Variants in SCAF1 observed in about 807,000 individuals in gnomAD.
The protein encoded by SCAF1 is splicing factor, arginine/serine-rich 19.
SCAF1 carries 28 observed loss-of-function variants against 91.2 expected under a neutral mutation model. The ratio of observed to expected loss-of-function variants is 0.31; its 90% CI spans 0.23 to 0.42. The LOEUF is 0.42. SCAF1 is among the 10% of genes least tolerant of loss of function. The probability of loss-of-function intolerance (pLI) is 1.00; values close to 1 mark genes in which losing one functional copy is unlikely to be tolerated. For missense variants in SCAF1, 1,893 were observed against 1,872.1 expected (o/e 1.01, Z -0.21); for synonymous variants, 1,036 against 833.7 (o/e 1.24, Z -4.18).
chr19:49,642,885 T>G lies in SCAF1; in HGVS notation c.-7+643T>G, dbSNP rs991658344. The stretch of plus-strand genomic sequence containing the variant: ...GGGAAGGGCGCCAAATATTGAGATG[T>G]ACTGAGGGTCTGGGGTCTCCAAGGT... On this transcript the variant is annotated intron_variant, in intron 1 of 10. Transcript: ENST00000360565. This position sits in a 1 kb window ranked among gnomAD's most constrained non-coding sequence, Gnocchi z 4.0. 6.6e-6 allele frequency among the ~76,000 whole-genome samples: 1 copy of G among 152,296 alleles called. No individual in the cohort carries two copies. The highest frequency in any genetic ancestry group is 2.1e-4 in the South Asian group (1 of 4,830).
chr19:49,646,485 T>C lies in SCAF1; in HGVS notation c.262-41T>C. 1.3e-6 allele frequency: 2 copies of C among 1,565,740 alleles called. No individual in the cohort carries two copies. Among genetic ancestry groups the C allele is most frequent in the Non-Finnish European group, 1.8e-6 (2 of 1,136,714 alleles). Reference sequence around the variant, plus strand: ...GGGAAGCAGGATTTGCCAGTCTTCATGTGACCAGGGACGGCGTAGAGCCTC... The same window carrying C: ...GGGAAGCAGGATTTGCCAGTCTTCACGTGACCAGGGACGGCGTAGAGCCTC... On this transcript the variant is annotated intron_variant, in intron 4 of 10. Transcript: ENST00000360565. The surrounding 1 kb of genome is among the most constrained non-coding windows in gnomAD (Gnocchi z 5.6).
chr19:49,656,190 TTGCTCTGCCCTGGTCTG>T (rs996070095), intron 9 of SCAF1, among the ~76,000 whole-genome samples: 3 of 152,216 alleles, frequency 2.0e-5, no homozygotes, highest in Non-Finnish European at 2.9e-5. Context: ...ACAGTGGCCC[TTGCTCTGCCCTGGTCTG>T]TGCTCTGCCC....
Position 49,645,224 on chromosome 19 carries a change from C to T in SCAF1, c.108+90C>T, listed in dbSNP as rs1355059241. 2 of 1,498,658 alleles carry T rather than the reference C, an allele frequency of 1.3e-6. No individual in the cohort carries two copies. Among genetic ancestry groups the T allele is most frequent in the Non-Finnish European group, 1.9e-6 (2 of 1,079,130 alleles). 92.8% of individuals were successfully genotyped at this position (1,498,658 alleles called of 1,614,324 possible). On this transcript the variant is annotated intron_variant, in intron 2 of 10. Transcript: ENST00000360565. This position sits in a 1 kb window ranked among gnomAD's most constrained non-coding sequence, Gnocchi z 4.6. ...GACTCCAGGGCCTGAGGCAGGGGCG[C>T]TGGACTCTTGGCTCCCTTGAAGCAC...
chr19:49,641,880 G>A (rs548208730), upstream of SCAF1, among the ~76,000 whole-genome samples: 9 of 152,320 alleles, frequency 5.9e-5, no homozygotes, highest in South Asian at 2.1e-4. Flanking sequence ...CGCCTCTTAC[G>A]TCACCTCCTG....
rs2081097934 is a variant in SCAF1 at position 49,652,107 on chromosome 19, GC to G, written c.1719del (p.Ser574ProfsTer164). On this transcript the variant is annotated frameshift_variant, in exon 7 of 11. Transcript: ENST00000360565. LOFTEE classifies it high-confidence loss of function. ...CACGCCTCGTCGTCCGCCCGCCGCC[GC>G]TCCCGCTCCCGCTCCCGCTCCCGCT... ...GSHASSSARR[R>X]SRSRSRSRST... 1.2e-5 allele frequency: 5 copies of G among 425,090 alleles called. No homozygotes were observed. The highest frequency in any genetic ancestry group is 2.0e-4 in the Admixed American group (1 of 5,112). 26.3% of individuals were successfully genotyped at this position (425,090 alleles called of 1,614,324 possible).
At chr19:49,640,919 G>C (rs2081022943), upstream of SCAF1, among the ~76,000 whole-genome samples, 1 of 152,186 alleles carries the variant, frequency 6.6e-6, no homozygotes, top group South Asian at 2.1e-4. Flanking sequence ...TGGGTCCTTA[G>C]GAGAAAATGG....
Position 49,657,802 on chromosome 19 carries a change from G to A in SCAF1, c.3660G>A (p.Glu1220=), listed in dbSNP as rs761421450. 6 of 1,607,786 alleles carry A rather than the reference G, an allele frequency of 3.7e-6. No individual in the cohort carries two copies. The highest frequency in any genetic ancestry group is 5.1e-6 in the Non-Finnish European group (6 of 1,177,064). ...ACACGCAGGAGCGGGCGGTGGAGGAGGTGAAGCTGGCCATCAAGCCATACT... is the reference window on the plus strand; with the variant it reads ...ACACGCAGGAGCGGGCGGTGGAGGAAGTGAAGCTGGCCATCAAGCCATACT... ...KLHTQERAVE[E]VKLAIKPYYQ... The change falls in exon 10 of 11, where the codon GAG becomes GAA. Residue 1220 remains glutamate (E), a synonymous_variant. Transcript: ENST00000360565.
At chr19:49,644,938 C>A in intron 1 of SCAF1, 83 bp from the exon 2 acceptor site, 2 of 895,496 alleles carry the variant, frequency 2.2e-6, no homozygotes, top group Non-Finnish European at 3.5e-6. Context: ...TAGTGTGGGG[C>A]CCTTGAGGTC....
Position 49,646,465 on chromosome 19 carries a change from G to A in SCAF1, c.262-61G>A, listed in dbSNP as rs1002372307. On this transcript the variant is annotated intron_variant, in intron 4 of 10. Coordinates refer to ENST00000360565, the MANE Select transcript of SCAF1 (RefSeq NM_021228.3). This position sits in a 1 kb window ranked among gnomAD's most constrained non-coding sequence, Gnocchi z 5.6. Reference sequence around the variant, plus strand: ...TCCTGAGAGGTTAGGGAGTGGGGAAGCAGGATTTGCCAGTCTTCATGTGAC... The same window carrying A: ...TCCTGAGAGGTTAGGGAGTGGGGAAACAGGATTTGCCAGTCTTCATGTGAC... 2 of 1,440,296 alleles carry A rather than the reference G, an allele frequency of 1.4e-6. No homozygotes were observed. Among genetic ancestry groups the A allele is most frequent in the African/African-American group, 2.8e-5 (2 of 71,386 alleles). 89.2% of individuals were successfully genotyped at this position (1,440,296 alleles called of 1,614,324 possible).
At chr19:49,642,109 C>A (rs748350588), upstream of SCAF1, 3 of 152,262 alleles carry the variant, frequency 2.0e-5, no homozygotes, top group Non-Finnish European at 4.4e-5. The surrounding 1 kb of genome is among the most constrained non-coding windows in gnomAD (Gnocchi z 4.0). Flanking sequence ...GCCTTCACGT[C>A]GCCGTGCTCG....
At position 49,652,162 on chromosome 19, in the gene SCAF1, C is replaced by T. The variant is rs1395377345; in HGVS notation, c.1773C>T (p.Asp591=). The T allele has an allele frequency of 2.7e-6, 3 of 1,116,008 alleles. No homozygotes were observed. The highest frequency in any genetic ancestry group is 3.3e-6 in the Non-Finnish European group (3 of 910,902). 69.1% of individuals were successfully genotyped at this position (1,116,008 alleles called of 1,614,324 possible). A position where few individuals can be genotyped will look rare whatever the true frequency, so the allele number is the denominator to read the frequency against. The change falls in exon 7 of 11, where the codon GAC becomes GAT. Residue 591 remains aspartate, a synonymous_variant. Coordinates refer to ENST00000360565, the MANE Select transcript of SCAF1 (RefSeq NM_021228.3). The stretch of plus-strand genomic sequence containing the variant: ...CCCGCCGCCGCTCGCGCAGCACCGA[C>T]CGCCGCCGCGGGGGCAGCCGCAGGT... ...RSTRRRSRST[D]RRRGGSRRSR...
rs555777243 is a variant in SCAF1, at chr19:49,652,465, C to T, written c.2076C>T (p.Asp692=). The T allele has an allele frequency of 1.2e-5, 19 of 1,600,404 alleles. No individual in the cohort carries two copies. The highest frequency in any genetic ancestry group is 3.4e-5 in the Admixed American group (2 of 58,702). The change falls in exon 7 of 11, where the codon GAC becomes GAT. Residue 692 remains aspartate (D), a synonymous_variant. Transcript: ENST00000360565. ...RRGAVPPSIQ[D]LTDHDLFAIK... is the part of the protein sequence containing the mutation. ...GGGCCGTGCCACCCTCCATCCAGGA[C>T]CTCACGGACCACGACCTCTTCGCCA...
At position 49,653,282 on chromosome 19, in the gene SCAF1, T is replaced by C; in HGVS notation, c.2893T>C (p.Ser965Pro). 1.4e-6 allele frequency: 2 copies of C among 1,470,456 alleles called. No individual in the cohort carries two copies. Among genetic ancestry groups the C allele is most frequent in the Non-Finnish European group, 9.0e-7 (1 of 1,108,914 alleles). 91.1% of individuals were successfully genotyped at this position (1,470,456 alleles called of 1,614,324 possible). ...GTKGAEETSW[S>P]GEERAAKVPS... ...CAAGGGGGCGGAGGAGACTTCCTGG[T>C]CCGGGGAGGAGCGGGCAGCCAAGGT... The change falls in exon 7 of 11, where the codon TCC becomes CCC. Residue 965 changes from serine to proline, a missense_variant. By Grantham distance (74) the Ser-to-Pro change is moderately conservative (BLOSUM62 -1). This residue lies in a region of SCAF1 where 1,436 missense variants were observed against 1,306.8 expected (regional missense o/e 1.10). Transcript: ENST00000360565.
rs370259405 is a variant in SCAF1 at position 49,651,340 on chromosome 19, C to A, written c.951C>A (p.Asp317Glu). The A allele has an allele frequency of 4.6e-4, 739 of 1,608,712 alleles. 1 individual carries two copies. The highest frequency in any genetic ancestry group is 6.0e-4 in the Non-Finnish European group (706 of 1,179,826). ...DNSLSQDFPG[D>E]ESPRPDAQPT... is the part of the protein sequence containing the mutation. ...GCCTGAGCCAGGACTTCCCAGGTGA[C>A]GAGAGCCCCCGCCCGGACGCGCAGC... The change falls in exon 7 of 11, where the codon GAC becomes GAA. Residue 317 changes from aspartate (D) to glutamate (E), a missense_variant. Asp to Glu is a conservative substitution (Grantham distance 45). Transcript: ENST00000360565.
chr19:49,652,087 CTCG>C lies in SCAF1; in HGVS notation c.1704_1706del (p.Ser569del), dbSNP rs757746670. On this transcript the variant is annotated inframe_deletion, in exon 7 of 11. Transcript: ENST00000360565. ...GGGACCGCAAGCCCGGCTCCCACGC[CTCG>C]TCGTCCGCCCGCCGCCGCTCCCGCT... 9.3e-6 allele frequency: 11 copies of C among 1,183,148 alleles called. No individual in the cohort carries two copies. The highest frequency in any genetic ancestry group is 8.6e-5 in the South Asian group (5 of 57,960). 73.3% of individuals were successfully genotyped at this position (1,183,148 alleles called of 1,614,324 possible).
At position 49,653,449 on chromosome 19, in the gene SCAF1, G is replaced by T; in HGVS notation, c.3060G>T (p.Gly1020=). The change falls in exon 7 of 11, where the codon GGG becomes GGT. Residue 1020 remains glycine (G), a synonymous_variant. Coordinates refer to ENST00000360565, the MANE Select transcript of SCAF1 (RefSeq NM_021228.3). ...CTGAGGAGGCTGGGGTCCGAGGTGG[G>T]GCGGAGGAGGAGGAGGAGGAAGAAG... ...EATEEAGVRG[G]AEEEEEEEEE... is the part of the protein sequence containing the mutation. 1 of 1,546,626 alleles carries T rather than the reference G, an allele frequency of 6.5e-7. No individual in the cohort carries two copies. The highest frequency in any genetic ancestry group is 8.7e-7 in the Non-Finnish European group (1 of 1,146,240).
At chr19:49,654,511 G>C in intron 8 of SCAF1, 80 bp downstream of exon 8, 1 of 1,445,502 alleles carries the variant, frequency 6.9e-7, no homozygotes, top group South Asian at 1.2e-5. Context: ...CGCGGGCCTG[G>C]CAGCTCTGGG....
Position 49,645,322 on chromosome 19 carries a change from C to T in SCAF1, c.109-32C>T. On this transcript the variant is annotated intron_variant, in intron 2 of 10. Transcript: ENST00000360565. This position sits in a 1 kb window ranked among gnomAD's most constrained non-coding sequence, Gnocchi z 4.6. ...AGGTTGCAAAGCATCTGCCTGGGTC[C>T]TCTGACGCTTGGTTCTTCCCCCCTT... 1.2e-6 allele frequency: 2 copies of T among 1,612,962 alleles called. No individual in the cohort carries two copies. Among genetic ancestry groups the T allele is most frequent in the Non-Finnish European group, 8.5e-7 (1 of 1,179,116 alleles).
rs757926321 is a variant in SCAF1, at chr19:49,652,553, C to G, written c.2164C>G (p.Pro722Ala). Residue 722 changes from proline to alanine, a missense_variant, in exon 7 of 11, where the codon CCG becomes GCG. Coordinates refer to ENST00000360565, the MANE Select transcript of SCAF1 (RefSeq NM_021228.3). Reference protein sequence around the residue: ...KSDPRGPSPAPASSPKREVLY... With the variant: ...KSDPRGPSPAAASSPKREVLY... The stretch of plus-strand genomic sequence containing the variant: ...CGACCCCCGAGGACCCTCTCCTGCT[C>G]CGGCCTCCTCACCTAAGCGGGAGGT... The G allele has an allele frequency of 4.5e-6, 7 of 1,565,558 alleles. No individual in the cohort carries two copies. The highest frequency in any genetic ancestry group is 6.1e-6 in the Non-Finnish European group (7 of 1,154,268).
Sources: gnomAD v4.1 joint callset for allele counts (sites outside exome capture counted in the v4.1 genomes callset) on GRCh38, gnomAD v4.1.1 for gene constraint, gnomAD v4.1.1 regional missense constraint, Gnocchi (gnomAD v3.1) non-coding constraint, MANE v1.5 for transcripts, NCBI Gene and HGNC (gene_info 2026-07-23, HGNC 2026-07-21) for gene names.